Variants in PTPRE observed in about 807,000 individuals in gnomAD.
The protein encoded by PTPRE is receptor-type tyrosine-protein phosphatase epsilon.
In PTPRE, 51 loss-of-function variants were observed where a neutral mutation model predicts 102.0. The ratio of observed to expected loss-of-function variants is 0.50; its 90% CI spans 0.40 to 0.63. PTPRE has a LOEUF of 0.63. PTPRE is among the 30% of genes least tolerant of loss of function. The probability of loss-of-function intolerance (pLI) is 0.00; values close to 1 mark genes in which losing one functional copy is unlikely to be tolerated. For synonymous variants in PTPRE, 345 were observed against 348.2 expected (o/e 0.99, Z 0.10); for missense variants, 752 against 915.1 (o/e 0.82, Z 2.30).
chr10:127,941,491 C>A (rs570411515), intron 1 of PTPRE, among the ~76,000 whole-genome samples: 1 of 152,216 alleles, frequency 6.6e-6, no homozygotes, highest in Non-Finnish European at 1.5e-5. Context: ...AGGCTCAGCC[C>A]GCTGTGGGCT....
intron 1 of PTPRE, among the ~76,000 whole-genome samples, chr10:127,951,365 A>G (rs953797370): frequency 3.3e-5 from 5 of 152,174 alleles, no homozygotes; most frequent in Admixed American, 1.3e-4. Flanking sequence ...AAAGGGATCT[A>G]TGGCCTTTTA....
chr10:127,972,374 G>A (rs187146489), intron 1 of PTPRE, among the ~76,000 whole-genome samples: 150 of 152,306 alleles, frequency 9.8e-4, no homozygotes, highest in African/African-American at 3.4e-3. Flanking sequence ...TATTGACCAC[G>A]TGACTTCACG....
intron 3 of PTPRE, among the ~76,000 whole-genome samples, chr10:128,044,922 T>A: frequency 6.6e-6 from 1 of 152,262 alleles, no homozygotes; most frequent in Non-Finnish European, 1.5e-5. Flanking sequence ...AAAATATGAA[T>A]TTCTTCTTTA....
chr10:127,956,562 A>G (rs1169972434), intron 1 of PTPRE, among the ~76,000 whole-genome samples: 3 of 152,204 alleles, frequency 2.0e-5, no homozygotes, highest in Non-Finnish European at 4.4e-5. Flanking sequence ...GTGTGGACAT[A>G]AGTTTTCACC....
chr10:127,967,533 A>G (rs558074102), intron 1 of PTPRE, among the ~76,000 whole-genome samples: 1 of 152,358 alleles, frequency 6.6e-6, no homozygotes, highest in East Asian at 1.9e-4. Flanking sequence ...ACCTTCCACC[A>G]TGATTGTGAG....
intron 3 of PTPRE, 57 bp from the exon 4 acceptor site, chr10:128,047,331 ACT>A: frequency 6.3e-7 from 1 of 1,574,818 alleles, no homozygotes; most frequent in South Asian, 1.1e-5. Context: ...ATGGAGGGAG[ACT>A]CTTTTGCAAA....
intron 9 of PTPRE, among the ~76,000 whole-genome samples, chr10:128,062,070 A>G (rs1365513275): frequency 6.6e-6 from 1 of 152,226 alleles, no homozygotes; most frequent in Non-Finnish European, 1.5e-5. Flanking sequence ...GATCAAGGCC[A>G]TAACTAAGAA....
chr10:128,073,559 A>G, intron 17 of PTPRE, 88 bp downstream of exon 17: 4 of 1,484,796 alleles, frequency 2.7e-6, no homozygotes, highest in Non-Finnish European at 3.6e-6. Context: ...CCCACCTGCC[A>G]TCACTGCAAA....
At chr10:127,932,848 A>G (rs904640982) in intron 1 of PTPRE, among the ~76,000 whole-genome samples, 2 of 152,170 alleles carry the variant, frequency 1.3e-5, no homozygotes, top group South Asian at 4.1e-4. Flanking sequence ...TCCCAAACTC[A>G]TTCAGGTATT....
At chr10:127,952,286 T>C (rs975619898) in intron 1 of PTPRE, among the ~76,000 whole-genome samples, 3 of 152,110 alleles carry the variant, frequency 2.0e-5, no homozygotes, top group African/African-American at 7.2e-5. Flanking sequence ...AAACAGGATG[T>C]AATATGCCCC....
intron 2 of PTPRE, among the ~76,000 whole-genome samples, chr10:128,040,442 C>G (rs74159146): frequency 0.015 from 2,220 of 152,178 alleles, 49 homozygotes; most frequent in African/African-American, 0.049. Context: ...AAGAGGACAG[C>G]GTGGCCAGAG....
Position 127,949,278 on chromosome 10 carries a change from GTCTA to G in PTPRE, c.-30-32991_-30-32988del, listed in dbSNP as rs374784921. On this transcript the variant is annotated intron_variant, in intron 1 of 20. Coordinates refer to ENST00000254667, the MANE Select transcript of PTPRE (RefSeq NM_006504.6). ...CCCTCAAGTAAATCCCTTCCCATGT[GTCTA>G]TCTAGCTATGCATATTCTATTAGTT... Among the ~76,000 whole-genome samples the G allele has an allele frequency of 1.5e-4, 23 of 152,236 alleles. No individual in the cohort carries two copies. The East Asian group carries it at 4.1e-3, about 27-fold the overall frequency.
At chr10:127,929,963 A>G (rs182535007) in intron 1 of PTPRE, among the ~76,000 whole-genome samples, 41 of 151,006 alleles carry the variant, frequency 2.7e-4, no homozygotes, top group African/African-American at 9.7e-4. Context: ...AGGCTGAGGC[A>G]GGAGAATTGC....
rs1851875682 is a variant in PTPRE, at chr10:128,083,335, C to G, written c.*429C>G. ...CTAACAGTGAATTCACAACCCTGAA[C>G]AGCAGCATTTTTGGAAGGCAAACTG... On this transcript the variant is annotated 3_prime_UTR_variant, in exon 21 of 21. Transcript: ENST00000254667. 3.2e-5 allele frequency: 5 copies of G among 153,936 alleles called. No individual in the cohort carries two copies. The South Asian group carries it at 1.0e-3, about 31-fold the overall frequency. 9.5% of individuals were successfully genotyped at this position (153,936 alleles called of 1,614,324 possible). A position where few individuals can be genotyped will look rare whatever the true frequency, so the allele number is the denominator to read the frequency against.
intron 1 of PTPRE, among the ~76,000 whole-genome samples, chr10:127,976,239 G>GGAGA (rs1417974032): frequency 1.3e-5 from 2 of 152,268 alleles, no homozygotes; most frequent in South Asian, 4.1e-4. Flanking sequence ...TCTGGGGCTT[G>GGAGA]GAGGGCACCC....
chr10:127,959,901 A>G (rs1393054055), intron 1 of PTPRE, among the ~76,000 whole-genome samples: 1 of 152,122 alleles, frequency 6.6e-6, no homozygotes, highest in Admixed American at 6.5e-5. Flanking sequence ...GGGAGCTCTT[A>G]CCTTTATTAT....
In PTPRE at chr10:128,047,750, C is replaced by A. The variant is rs1472822076; in HGVS notation, c.210-14C>A. ...CTAGAAGTGTGGAAACCTAACGCAT[C>A]CTGTGTCTCTAAGGTTCAGGAAGCA... On this transcript the variant is annotated splice_polypyrimidine_tract_variant and intron_variant, in intron 4 of 20. Transcript: ENST00000254667. The A allele has an allele frequency of 6.2e-7, 1 of 1,611,828 alleles. No homozygotes were observed. Among genetic ancestry groups the A allele is most frequent in the Non-Finnish European group, 8.5e-7 (1 of 1,178,056 alleles).
At chr10:127,990,411 C>CAAAAAAAAAAAAAAAAAAAAAA (rs60034358) in intron 2 of PTPRE, among the ~76,000 whole-genome samples, 1 of 65,738 alleles carries the variant, frequency 1.5e-5, no homozygotes, top group Non-Finnish European at 2.9e-5. Flanking sequence ...GACTCCACCT[C>CAAAAAAAAAAAAAAAAAAAAAA]AAAAAAAAAA....
chr10:128,077,606 C>A lies in PTPRE; in HGVS notation c.1726-11C>A. 6.3e-7 allele frequency: 1 copy of A among 1,595,718 alleles called. No homozygotes were observed. Among genetic ancestry groups the A allele is most frequent in the South Asian group, 1.1e-5 (1 of 90,270 alleles). ...GGCAGGCGACGCTGAGACCCCCTCTCCTCCCTGCAGCCCCAGGCCCGCCAG... is the reference window on the plus strand; with the variant it reads ...GGCAGGCGACGCTGAGACCCCCTCTACTCCCTGCAGCCCCAGGCCCGCCAG... On this transcript the variant is annotated splice_polypyrimidine_tract_variant and intron_variant, in intron 18 of 20. Coordinates refer to ENST00000254667, the MANE Select transcript of PTPRE (RefSeq NM_006504.6).
Sources: allele counts gnomAD v4.1 joint callset (sites outside exome capture counted in the v4.1 genomes callset), GRCh38; gene constraint gnomAD v4.1.1; transcripts MANE v1.5; gene names NCBI Gene and HGNC (gene_info 2026-07-23, HGNC 2026-07-21).